The following PTPRD variants were observed in gnomAD, a reference collection of about 807,000 sequenced individuals.
PTPRD encodes protein tyrosine phosphatase receptor type D, also known as receptor-type tyrosine-protein phosphatase delta.
In PTPRD, 34 loss-of-function variants were observed where a neutral mutation model predicts 214.5. The ratio of observed to expected loss-of-function variants is 0.16; its 90% CI spans 0.12 to 0.21. The LOEUF is 0.21. Ranked by LOEUF, PTPRD falls within the 10% of genes least tolerant of loss-of-function variation. PTPRD has a pLI of 1.00. For synonymous variants in PTPRD, 1,128 were observed against 845.7 expected (o/e 1.33, Z -5.79); for missense variants, 2,545 against 2,398.7 (o/e 1.06, Z -1.27).
At chr9:8,959,220 C>A (rs577847969) in intron 11 of PTPRD, among the ~76,000 whole-genome samples, 1 of 151,850 alleles carries the variant, frequency 6.6e-6, no homozygotes, top group African/African-American at 2.4e-5. Flanking sequence ...AGAAGATGAA[C>A]CCTGGAAAAG....
chr9:10,098,999 C>G (rs892788738), intron 3 of PTPRD, among the ~76,000 whole-genome samples: 13 of 151,762 alleles, frequency 8.6e-5, no homozygotes, highest in Admixed American at 2.0e-4. Context: ...GGTGTACCCT[C>G]TTTTGACAAT....
chr9:8,893,372 G>A (rs1378061026), intron 11 of PTPRD, among the ~76,000 whole-genome samples: 1 of 152,190 alleles, frequency 6.6e-6, no homozygotes, highest in Non-Finnish European at 1.5e-5. Context: ...GGAGAGTAGA[G>A]AAGGGAGCTG....
intron 11 of PTPRD, among the ~76,000 whole-genome samples, chr9:8,921,749 C>T (rs1454967371): frequency 2.6e-5 from 4 of 152,150 alleles, no homozygotes; most frequent in African/African-American, 9.7e-5. Context: ...CCACCTTGAC[C>T]TCCCAAAGTG....
At chr9:9,965,501 C>T (rs999778749) in intron 4 of PTPRD, among the ~76,000 whole-genome samples, 2 of 152,130 alleles carry the variant, frequency 1.3e-5, no homozygotes, top group Non-Finnish European at 2.9e-5. Context: ...AATATGTAGA[C>T]AGCAGGTCAG....
chr9:8,710,299 A>G (rs114820620), intron 12 of PTPRD, among the ~76,000 whole-genome samples: 2,114 of 152,230 alleles, frequency 0.014, 50 homozygotes, highest in African/African-American at 0.048. Context: ...AGCTAATAAC[A>G]TTCAAAAGGT....
At chr9:9,927,547 G>A (rs12335715) in intron 5 of PTPRD, among the ~76,000 whole-genome samples, 5,853 of 152,164 alleles carry the variant, frequency 0.038, 136 homozygotes, top group Non-Finnish European at 0.056. Context: ...AACAATTGGT[G>A]TCTGATCTCT....
At chr9:8,870,126 TAA>T (rs5896269) in intron 11 of PTPRD, among the ~76,000 whole-genome samples, 13,300 of 137,382 alleles carry the variant, frequency 0.097, 1,121 homozygotes, top group African/African-American at 0.24. Context: ...TTCCATCAGT[TAA>T]AAAAAAAAAA....
At chr9:8,558,642 C>T (rs372611910) in intron 14 of PTPRD, among the ~76,000 whole-genome samples, 10 of 152,264 alleles carry the variant, frequency 6.6e-5, no homozygotes, top group African/African-American at 9.6e-5. Flanking sequence ...AGACAGTCAA[C>T]GGGCTTGGGC....
At chr9:9,783,618 A>G (rs1373809022) in intron 5 of PTPRD, among the ~76,000 whole-genome samples, 2 of 152,104 alleles carry the variant, frequency 1.3e-5, no homozygotes, top group Non-Finnish European at 2.9e-5. Flanking sequence ...ACAGTTGGAG[A>G]AATCCAAGGA....
intron 7 of PTPRD, among the ~76,000 whole-genome samples, chr9:9,682,973 G>T (rs2097102824): frequency 1.3e-5 from 2 of 151,778 alleles, no homozygotes; most frequent in Admixed American, 6.6e-5. Context: ...ACAGTCATTA[G>T]TGATAGCCTC....
intron 43 of PTPRD, among the ~76,000 whole-genome samples, chr9:8,333,571 G>C (rs998614171): frequency 1.3e-5 from 2 of 152,076 alleles, no homozygotes; most frequent in Non-Finnish European, 2.9e-5. Flanking sequence ...ACATGGAAAG[G>C]AACAACTGGT....
chr9:8,407,738 T>C (rs190587461), intron 35 of PTPRD, among the ~76,000 whole-genome samples: 1 of 152,308 alleles, frequency 6.6e-6, no homozygotes, highest in East Asian at 1.9e-4. Flanking sequence ...CAGCTTACGT[T>C]TATACTCGTT....
chr9:10,267,316 T>C lies in PTPRD; in HGVS notation c.-545+73647A>G, dbSNP rs2094138199. ...AAATAGATATACAAATTATAGGCAC[T>C]TAGTATCTCAGGAACACTAGCGTCT... On this transcript the variant is annotated intron_variant, in intron 3 of 45. Coordinates refer to ENST00000381196, the MANE Select transcript of PTPRD (RefSeq NM_002839.4). Among the ~76,000 whole-genome samples the C allele has an allele frequency of 2.0e-5, 3 of 152,126 alleles. No individual in the cohort carries two copies. In the South Asian group the frequency reaches 6.2e-4, roughly 32 times the overall value.
intron 8 of PTPRD, among the ~76,000 whole-genome samples, chr9:9,469,335 T>C (rs1444595323): frequency 6.6e-6 from 1 of 152,124 alleles, no homozygotes; most frequent in East Asian, 1.9e-4. Context: ...TCTGAAACTG[T>C]TGTCTTCTAG....
At chr9:10,033,813 G>C (rs9886852) in intron 3 of PTPRD, 23 bp from the exon 4 acceptor site, 2 of 151,914 alleles carry the variant, frequency 1.3e-5, no homozygotes, top group African/African-American at 4.8e-5. Context: ...GTGAGAGATC[G>C]CTTTAATTCA....
intron 14 of PTPRD, among the ~76,000 whole-genome samples, chr9:8,574,136 C>T (rs780100182): frequency 1.3e-4 from 20 of 151,832 alleles, no homozygotes; most frequent in Non-Finnish European, 2.8e-4. Context: ...ACATGCTATG[C>T]CATTCACAAT....
chr9:8,962,849 T>C (rs527880138), intron 11 of PTPRD: 15 of 152,216 alleles, frequency 9.9e-5, no homozygotes, highest in African/African-American at 3.6e-4. Flanking sequence ...CAGGCATTTC[T>C]TGAAAACAGT....
chr9:8,788,958 T>TA (rs908401048), intron 11 of PTPRD, among the ~76,000 whole-genome samples: 1 of 152,144 alleles, frequency 6.6e-6, no homozygotes, highest in Non-Finnish European at 1.5e-5. Context: ...TTACTTTACA[T>TA]AAAAATAACT....
intron 11 of PTPRD, among the ~76,000 whole-genome samples, chr9:8,868,873 C>T (rs556666746): frequency 6.6e-6 from 1 of 152,238 alleles, no homozygotes; most frequent in South Asian, 2.1e-4. Context: ...GAACTATGCA[C>T]TATCAAGTCA....
Sources: allele counts gnomAD v4.1 joint callset (sites outside exome capture counted in the v4.1 genomes callset), GRCh38; gene constraint gnomAD v4.1.1; transcripts MANE v1.5; gene names NCBI Gene and HGNC (gene_info 2026-07-23, HGNC 2026-07-21).